Variants in FARS2 observed in about 807,000 individuals in gnomAD.
FARS2 encodes the protein phenylalanyl-tRNA synthetase 2, mitochondrial.
A neutral mutation model predicts 46.4 loss-of-function variants in FARS2; 40 were observed. The ratio of observed to expected loss-of-function variants is 0.86; its 90% CI spans 0.67 to 1.12. The LOEUF (loss-of-function observed/expected upper bound fraction) is 1.12, where lower values mean the gene tolerates loss of function less well. Among genes scored for constraint, FARS2 ranks in the 50% most tolerant of loss-of-function variants. The pLI is 0.00. For missense variants in FARS2, 513 were observed against 567.9 expected (o/e 0.90, Z 0.98); for synonymous variants, 234 against 214.9 (o/e 1.09, Z -0.78).
At chr6:5,575,245 A>G (rs1772892733) in intron 5 of FARS2, among the ~76,000 whole-genome samples, 2 of 152,256 alleles carry the variant, frequency 1.3e-5, no homozygotes, top group African/African-American at 2.4e-5. Flanking sequence ...AATGCAGACC[A>G]TAGACCATCA....
intron 4 of FARS2, among the ~76,000 whole-genome samples, chr6:5,523,057 G>T (rs1769241389): frequency 6.6e-6 from 1 of 152,186 alleles, no homozygotes; most frequent in Non-Finnish European, 1.5e-5. Flanking sequence ...CAATGAGCTG[G>T]ACTCAGCGGA....
chr6:5,352,402 G>A (rs1293560815), intron 1 of FARS2, among the ~76,000 whole-genome samples: 2 of 151,822 alleles, frequency 1.3e-5, no homozygotes, highest in African/African-American at 4.8e-5. Flanking sequence ...AGTACGTCAT[G>A]CCCACTCTGC....
chr6:5,730,028 A>G (rs1320467166), intron 6 of FARS2, among the ~76,000 whole-genome samples: 1 of 152,236 alleles, frequency 6.6e-6, no homozygotes, highest in Non-Finnish European at 1.5e-5. Flanking sequence ...TCTAGGGAGC[A>G]AAATTCCCTT....
chr6:5,330,508 A>T (rs1407266466), intron 1 of FARS2, among the ~76,000 whole-genome samples: 1 of 152,142 alleles, frequency 6.6e-6, no homozygotes, highest in Non-Finnish European at 1.5e-5. Context: ...CCTACATGGT[A>T]TGATATAGGC....
At chr6:5,698,675 T>A (rs1367922452) in intron 6 of FARS2, among the ~76,000 whole-genome samples, 1 of 152,148 alleles carries the variant, frequency 6.6e-6, no homozygotes, top group Non-Finnish European at 1.5e-5. Context: ...AGGCCTCATA[T>A]CACCTCTGCC....
At chr6:5,542,426 C>T (rs925436999) in intron 4 of FARS2, among the ~76,000 whole-genome samples, 2 of 152,160 alleles carry the variant, frequency 1.3e-5, no homozygotes, top group African/African-American at 2.4e-5. Context: ...TAGGTAAATA[C>T]TTAGGAATGG....
chr6:5,700,977 C>T (rs756972198), intron 6 of FARS2, among the ~76,000 whole-genome samples: 9 of 152,186 alleles, frequency 5.9e-5, no homozygotes, highest in Non-Finnish European at 1.2e-4. Flanking sequence ...TTTATTCGCG[C>T]AAGGTGTTAA....
At chr6:5,731,618 A>C (rs902173797) in intron 6 of FARS2, among the ~76,000 whole-genome samples, 1 of 152,174 alleles carries the variant, frequency 6.6e-6, no homozygotes, top group Admixed American at 6.5e-5. Flanking sequence ...GAGTAGCACC[A>C]TGTCATAGCA....
rs554863125 is a variant in FARS2 at position 5,747,647 on chromosome 6, A to G, written c.1218-23644A>G. Among the ~76,000 whole-genome samples the G allele has an allele frequency of 6.3e-4, 96 of 152,294 alleles. 1 individual carries two copies. The highest frequency in any genetic ancestry group is 1.5e-3 in the Admixed American group (23 of 15,294). On this transcript the variant is annotated intron_variant, in intron 6 of 6. Coordinates refer to ENST00000274680, the MANE Select transcript of FARS2 (RefSeq NM_006567.5). ...ACTGTCTTAGAGGCTGGATGCCACAATGGATGGAGGTGAATGGATGCCTGA... is the reference window on the plus strand; with the variant it reads ...ACTGTCTTAGAGGCTGGATGCCACAGTGGATGGAGGTGAATGGATGCCTGA...
chr6:5,388,136 C>CT (rs1441915610), intron 2 of FARS2, among the ~76,000 whole-genome samples: 1 of 152,114 alleles, frequency 6.6e-6, no homozygotes, highest in East Asian at 1.9e-4. Context: ...GGGAGAAGCA[C>CT]TTATCTACTA....
At chr6:5,353,442 A>G (rs1004348623) in intron 1 of FARS2, among the ~76,000 whole-genome samples, 2 of 152,152 alleles carry the variant, frequency 1.3e-5, no homozygotes, top group Admixed American at 6.6e-5. Context: ...TGGATCATAT[A>G]GAAGTCCTAT....
intron 1 of FARS2, among the ~76,000 whole-genome samples, chr6:5,317,452 ACT>A (rs1769605686): frequency 6.6e-6 from 1 of 151,984 alleles, no homozygotes; most frequent in South Asian, 2.1e-4. Context: ...TGCAGCTCAG[ACT>A]CTGAGTTCTT....
intron 6 of FARS2, among the ~76,000 whole-genome samples, chr6:5,769,970 G>A (rs1316409754): frequency 6.6e-6 from 1 of 152,162 alleles, no homozygotes; most frequent in Admixed American, 6.5e-5. Flanking sequence ...GAGGTGAAGG[G>A]GCAGACTAGG....
intron 1 of FARS2, among the ~76,000 whole-genome samples, chr6:5,336,624 C>T (rs550232776): frequency 9.5e-4 from 144 of 152,174 alleles, no homozygotes; most frequent in Non-Finnish European, 1.7e-3. Flanking sequence ...TATGCATCCC[C>T]TCAATCATTT....
chr6:5,341,495 A>G (rs1771650826), intron 1 of FARS2, among the ~76,000 whole-genome samples: 1 of 150,388 alleles, frequency 6.6e-6, no homozygotes, highest in South Asian at 2.1e-4. Context: ...ATTTTTTATC[A>G]TGACTTTATT....
chr6:5,318,694 A>C (rs1769741760), intron 1 of FARS2, among the ~76,000 whole-genome samples: 2 of 152,182 alleles, frequency 1.3e-5, no homozygotes, highest in Non-Finnish European at 2.9e-5. Context: ...TCTTGGGTTT[A>C]AATACTCTCT....
At chr6:5,567,131 A>G (rs537756608) in intron 5 of FARS2, among the ~76,000 whole-genome samples, 6 of 152,318 alleles carry the variant, frequency 3.9e-5, no homozygotes, top group East Asian at 1.9e-4. Context: ...ATTCCCACCA[A>G]CAGTGCACAA....
At chr6:5,355,890 G>C (rs1056788033) in intron 1 of FARS2, among the ~76,000 whole-genome samples, 1 of 152,164 alleles carries the variant, frequency 6.6e-6, no homozygotes, top group Non-Finnish European at 1.5e-5. Flanking sequence ...CACGGATTCT[G>C]TACTTGTGAA....
intron 4 of FARS2, among the ~76,000 whole-genome samples, chr6:5,450,235 G>A (rs1764407631): frequency 6.6e-6 from 1 of 152,018 alleles, no homozygotes. Context: ...CTGCTGTGAG[G>A]AGAGCAGTAC....
Sources: allele counts gnomAD v4.1 joint callset (sites outside exome capture counted in the v4.1 genomes callset), GRCh38; gene constraint gnomAD v4.1.1; transcripts MANE v1.5; gene names NCBI Gene and HGNC (gene_info 2026-07-23, HGNC 2026-07-21).